IGSF11: variants seen among roughly 807,000 people sequenced by gnomAD.
IGSF11 encodes the protein immunoglobulin superfamily member 11.
In IGSF11, 22 loss-of-function variants were observed where a neutral mutation model predicts 41.0. That is an observed-to-expected ratio of 0.54 (90% CI 0.38 to 0.77). IGSF11 has a LOEUF of 0.77. Ranked by LOEUF, IGSF11 falls within the 30% of genes least tolerant of loss-of-function variation. The pLI is 0.00. For missense variants in IGSF11, 444 were observed against 530.8 expected (o/e 0.84, Z 1.61); for synonymous variants, 219 against 201.3 (o/e 1.09, Z -0.74).
intron 1 of IGSF11, among the ~76,000 whole-genome samples, chr3:119,112,388 C>A (rs541328033): frequency 3.3e-5 from 5 of 152,202 alleles, no homozygotes; most frequent in Middle Eastern, 3.2e-3. Flanking sequence ...GGGCGTAGGA[C>A]CCTCCGAGCC....
chr3:119,099,939 T>G (rs2076915268), intron 1 of IGSF11, among the ~76,000 whole-genome samples: 1 of 152,066 alleles, frequency 6.6e-6, no homozygotes, highest in Non-Finnish European at 1.5e-5. Flanking sequence ...ACTGAGACAA[T>G]TACTAAGAAA....
At chr3:118,935,268 C>A (rs1046122341) in intron 1 of IGSF11, among the ~76,000 whole-genome samples, 5 of 140,896 alleles carry the variant, frequency 3.5e-5, no homozygotes, top group Non-Finnish European at 7.6e-5. Flanking sequence ...TAAATATATA[C>A]ACACACCCTG....
rs181360674 is a variant in IGSF11 at position 119,089,128 on chromosome 3, A to G, written c.49+16016T>C. Among the ~76,000 whole-genome samples, 7 of 152,310 alleles carry G rather than the reference A, an allele frequency of 4.6e-5. No individual in the cohort carries two copies. The East Asian group carries it at 1.4e-3, about 29-fold the overall frequency. Reference sequence around the variant, plus strand: ...AAAATCTGGCAGAGGCATAATAAAAAGAGAAAACTTCATACCAATATCCCT... The same window carrying G: ...AAAATCTGGCAGAGGCATAATAAAAGGAGAAAACTTCATACCAATATCCCT... On this transcript the variant is annotated intron_variant, in intron 1 of 6. Transcript: ENST00000354673.
Position 119,099,973 on chromosome 3 carries a change from G to A in IGSF11, c.49+5171C>T, listed in dbSNP as rs185479059. ...AACTAATGGGCAGGCAGAGTGTACA[G>A]TGAGGATACGCTGGGCAAAGGAATG... On this transcript the variant is annotated intron_variant, in intron 1 of 6. Transcript: ENST00000354673. Among the ~76,000 whole-genome samples the A allele has an allele frequency of 2.6e-5, 4 of 152,280 alleles. No individual in the cohort carries two copies. In the East Asian group the frequency reaches 7.7e-4, roughly 29 times the overall value.
chr3:118,907,015 A>T lies in IGSF11; in HGVS notation c.581-1297T>A, dbSNP rs1576322851. Among the ~76,000 whole-genome samples the T allele has an allele frequency of 3.3e-5, 5 of 152,334 alleles. No homozygotes were observed. In the Middle Eastern group the frequency reaches 0.014, roughly 415 times the overall value. On this transcript the variant is annotated intron_variant, in intron 4 of 6. Transcript: ENST00000393775. The stretch of plus-strand genomic sequence containing the variant: ...TGCAGGAAAGAGAATACATTCTGTC[A>T]TCTCAACCATTCAAAATAGCTGCAA...
intron 1 of IGSF11, among the ~76,000 whole-genome samples, chr3:119,127,324 T>TA (rs111809690): frequency 0.072 from 10,285 of 142,636 alleles, 673 homozygotes; most frequent in South Asian, 0.18. Flanking sequence ...AGACAAGAAT[T>TA]AAAAAAAAAA....
intron 1 of IGSF11, among the ~76,000 whole-genome samples, chr3:118,963,433 GA>G (rs1323586020): frequency 6.6e-6 from 1 of 152,144 alleles, no homozygotes; most frequent in Non-Finnish European, 1.5e-5. Flanking sequence ...ACTGAGGGCA[GA>G]AATAATACTT....
intron 1 of IGSF11, among the ~76,000 whole-genome samples, chr3:118,956,607 A>G (rs9849421): frequency 0.03 from 4,640 of 152,248 alleles, 257 homozygotes; most frequent in African/African-American, 0.11. Context: ...CACACACAGC[A>G]TTTGCTAAGT....
At chr3:119,023,066 A>C (rs1488655192) in intron 1 of IGSF11, among the ~76,000 whole-genome samples, 1 of 152,074 alleles carries the variant, frequency 6.6e-6, no homozygotes, top group Non-Finnish European at 1.5e-5. Flanking sequence ...GTATGAGACC[A>C]GCCTGGCCAA....
At chr3:118,912,293 G>A (rs1164847729) in intron 4 of IGSF11, among the ~76,000 whole-genome samples, 1 of 152,088 alleles carries the variant, frequency 6.6e-6, no homozygotes, top group Non-Finnish European at 1.5e-5. Context: ...TGACCATTGT[G>A]AGAAACAACT....
At chr3:119,105,062 C>T in intron 1 of IGSF11, 1 of 857,472 alleles carries the variant, frequency 1.2e-6, no homozygotes, top group Non-Finnish European at 1.9e-6. Context: ...GTTAGTATCA[C>T]AAAAAGCCTT....
chr3:119,106,706 C>T (rs2077033613), upstream of IGSF11, among the ~76,000 whole-genome samples: 1 of 151,996 alleles, frequency 6.6e-6, no homozygotes, highest in East Asian at 1.9e-4. Context: ...CGTTTAGCAT[C>T]AGGTATATCT....
chr3:119,053,042 C>T (rs1019701738), intron 1 of IGSF11, among the ~76,000 whole-genome samples: 7 of 152,144 alleles, frequency 4.6e-5, no homozygotes, highest in African/African-American at 1.7e-4. Flanking sequence ...CAACATTATA[C>T]TGAATGGGGA....
intron 1 of IGSF11, among the ~76,000 whole-genome samples, chr3:118,963,470 C>A (rs763940391): frequency 2.2e-4 from 33 of 152,100 alleles, no homozygotes; most frequent in Admixed American, 1.3e-4. Flanking sequence ...TCATTTTGAT[C>A]ATGTGATATC....
intron 1 of IGSF11, among the ~76,000 whole-genome samples, chr3:119,027,871 T>C (rs1228915713): frequency 6.6e-6 from 1 of 152,188 alleles, no homozygotes; most frequent in South Asian, 2.1e-4. Context: ...ACTGTACCAA[T>C]AAATAAGTAC....
chr3:119,087,534 A>G (rs2076696666), intron 1 of IGSF11, among the ~76,000 whole-genome samples: 1 of 152,166 alleles, frequency 6.6e-6, no homozygotes, highest in Non-Finnish European at 1.5e-5. Flanking sequence ...TGGAAAACCA[A>G]ACATCATATG....
chr3:119,005,862 G>C (rs1316477056), intron 1 of IGSF11, among the ~76,000 whole-genome samples: 1 of 126,684 alleles, frequency 7.9e-6, no homozygotes. Context: ...TCCCTTTGAG[G>C]GTAACCCGAC....
At chr3:119,139,342 A>G (rs1171905095) in intron 1 of IGSF11, among the ~76,000 whole-genome samples, 1 of 152,208 alleles carries the variant, frequency 6.6e-6, no homozygotes, top group Non-Finnish European at 1.5e-5. Context: ...AGTAAAGATA[A>G]GTACATTAGG....
At chr3:119,027,732 T>A (rs1002365336) in intron 1 of IGSF11, among the ~76,000 whole-genome samples, 3 of 152,198 alleles carry the variant, frequency 2.0e-5, no homozygotes, top group Non-Finnish European at 2.9e-5. Context: ...GCCCCAATAA[T>A]CTTTAAGGCC....
Sources: allele counts gnomAD v4.1 joint callset (sites outside exome capture counted in the v4.1 genomes callset), GRCh38; gene constraint gnomAD v4.1.1; transcripts MANE v1.5; gene names NCBI Gene and HGNC (gene_info 2026-07-23, HGNC 2026-07-21).